The following BRF1 variants were observed in gnomAD, a reference collection of about 807,000 sequenced individuals.
BRF1 encodes BRF1 general transcription factor IIIB subunit.
BRF1 carries 59 observed loss-of-function variants against 81.7 expected under a neutral mutation model. The ratio of observed to expected loss-of-function variants is 0.72; its 90% confidence interval spans 0.59 to 0.90. BRF1 has a LOEUF of 0.90. BRF1 is among the 40% of genes least tolerant of loss of function. BRF1 has a pLI of 0.00. For missense variants in BRF1, 1,050 were observed against 936.3 expected, an observed-to-expected ratio of 1.12 and a Z score of -1.58; for synonymous variants, 491 against 395.6, an observed-to-expected ratio of 1.24 and a Z score of -2.86.
intron 16 of BRF1, 125 bp from the exon 17 acceptor site, chr14:105,211,418 G>A (rs1890095403): frequency 2.2e-6 from 2 of 911,344 alleles, no homozygotes; most frequent in South Asian, 1.8e-5. Flanking sequence ...TGGCTCCCGG[G>A]GTTGGCCAGG....
chr14:105,247,565 A>G (rs1258940555), intron 5 of BRF1: 1 of 985,198 alleles, frequency 1.0e-6, no homozygotes, highest in Admixed American at 6.2e-5. Flanking sequence ...CCCAGGGAAC[A>G]TTCACTACAA....
intron 11 of BRF1, 155 bp downstream of exon 11, chr14:105,221,493 T>TG (rs2141483620): frequency 3.7e-6 from 4 of 1,082,552 alleles, no homozygotes; most frequent in Admixed American, 3.1e-5. Flanking sequence ...ACAGCCCCAT[T>TG]GGGGGGACTG....
chr14:105,241,546 C>A, intron 5 of BRF1, 132 bp from the exon 6 acceptor site: 1 of 1,200,344 alleles, frequency 8.3e-7, no homozygotes, highest in Non-Finnish European at 1.2e-6. Context: ...CAGTTCCCCT[C>A]CCCTGGACAA....
At position 105,209,770 on chromosome 14, in the gene BRF1, C is replaced by G; in HGVS notation, c.*781G>C. ...CCCGCACTGCCTACAGAGCTATGCT[C>G]AGGACGGGTGGGCGCCGGTCTCAGC... On this transcript the variant is annotated 3_prime_UTR_variant, in exon 18 of 18. Coordinates refer to ENST00000547530, the MANE Select transcript of BRF1 (RefSeq NM_001519.4). 1 of 558,376 alleles carries G rather than the reference C, an allele frequency of 1.8e-6. No homozygotes were observed. The highest frequency in any genetic ancestry group is 2.2e-5 in the South Asian group (1 of 44,556). The allele number at this position is 558,376 out of a possible 1,614,324, so 34.6% of individuals were successfully genotyped here. A position where few individuals can be genotyped will look rare whatever the true frequency, so the allele number is the denominator to read the frequency against.
intron 6 of BRF1, among the ~76,000 whole-genome samples, 177 bp downstream of exon 6, chr14:105,241,088 G>C (rs1026904252): frequency 6.6e-6 from 1 of 152,228 alleles, no homozygotes; most frequent in Non-Finnish European, 1.5e-5. Context: ...GGGGCAGCCA[G>C]GAGGTCCTGG....
At chr14:105,254,295 C>G in intron 4 of BRF1, among the ~76,000 whole-genome samples, 1 of 152,176 alleles carries the variant, frequency 6.6e-6, no homozygotes. Flanking sequence ...CTTGCTCTGT[C>G]GCCCAGGCTG....
Position 105,295,371 on chromosome 14 carries a change from C to T in BRF1, c.184+5075G>A, listed in dbSNP as rs905031860. On this transcript the variant is annotated intron_variant, in intron 1 of 17. Coordinates refer to ENST00000547530, the MANE Select transcript of BRF1 (RefSeq NM_001519.4). ...CTGTCATCCTAGAACTTTGAGAGGCCAAGACGGGAGAATTACTTGAGCCCA... is the reference window on the plus strand; with the variant it reads ...CTGTCATCCTAGAACTTTGAGAGGCTAAGACGGGAGAATTACTTGAGCCCA... 2.6e-5 allele frequency among the ~76,000 whole-genome samples: 4 copies of T among 150,966 alleles called. 1 individual carries two copies. Among genetic ancestry groups the T allele is most frequent in the South Asian group, 4.2e-4 (2 of 4,802 alleles).
At chr14:105,304,444 C>T (rs1362745939), upstream of BRF1, among the ~76,000 whole-genome samples, 5 of 151,982 alleles carry the variant, frequency 3.3e-5, no homozygotes, top group South Asian at 4.1e-4. Flanking sequence ...GGCGAGATGG[C>T]GTCATTGCAC....
intron 1 of BRF1, among the ~76,000 whole-genome samples, chr14:105,294,735 CCAA>C (rs890923365): frequency 1.3e-5 from 2 of 152,130 alleles, no homozygotes; most frequent in Admixed American, 1.3e-4. Context: ...ACACAAAACA[CCAA>C]CATCTGAAAG....
intron 4 of BRF1, among the ~76,000 whole-genome samples, chr14:105,253,584 C>T (rs2055724125): frequency 6.6e-6 from 1 of 152,236 alleles, no homozygotes; most frequent in Admixed American, 6.5e-5. Context: ...AGGGACCGCA[C>T]ACAAAGGGTC....
At chr14:105,249,297 G>GC in intron 5 of BRF1, 1 of 1,576,798 alleles carries the variant, frequency 6.3e-7, no homozygotes, top group Non-Finnish European at 8.6e-7. Flanking sequence ...CGCCCCGTCC[G>GC]CCGTGTGGCT....
At chr14:105,314,716 C>T (rs1260676242) in intron 1 of BRF1, 2 of 141,990 alleles carry the variant, frequency 1.4e-5, no homozygotes, top group Non-Finnish European at 3.1e-5. Flanking sequence ...GGGGCGCGGG[C>T]GGGGCGCCGG....
At chr14:105,291,224 G>A (rs2057495545) in intron 1 of BRF1, among the ~76,000 whole-genome samples, 1 of 152,134 alleles carries the variant, frequency 6.6e-6, no homozygotes, top group Admixed American at 6.6e-5. Flanking sequence ...GCACCTCTGA[G>A]CTCCGACAAA....
chr14:105,241,713 A>G (rs2054665413), intron 5 of BRF1: 1 of 457,312 alleles, frequency 2.2e-6, no homozygotes, highest in Non-Finnish European at 4.1e-6. Flanking sequence ...GCGCACACCC[A>G]GCAGCCTTCC....
chr14:105,271,445 G>A lies in BRF1; in HGVS notation c.439+1276C>T, dbSNP rs1340415179. On this transcript the variant is annotated intron_variant, in intron 3 of 17. Transcript: ENST00000547530. This position sits in a 1 kb window ranked among gnomAD's most constrained non-coding sequence, Gnocchi z 5.5. The stretch of plus-strand genomic sequence containing the variant: ...CGGCAGGGGCGCAGGCTGGGAGGCA[G>A]ACATGTGGCCGGGCACGCCACGCCC... Among the ~76,000 whole-genome samples, 1 of 152,246 alleles carries A rather than the reference G, an allele frequency of 6.6e-6. No homozygotes were observed. The highest frequency in any genetic ancestry group is 1.5e-5 in the Non-Finnish European group (1 of 68,040).
intron 5 of BRF1, chr14:105,248,536 G>A: frequency 3.2e-6 from 3 of 951,884 alleles, no homozygotes; most frequent in Middle Eastern, 1.1e-3. Flanking sequence ...CCCTGACGCA[G>A]CGTGACGCAC....
At chr14:105,270,268 G>C (rs967693516) in intron 3 of BRF1, among the ~76,000 whole-genome samples, 11 of 151,850 alleles carry the variant, frequency 7.2e-5, no homozygotes, top group African/African-American at 2.7e-4. Flanking sequence ...CCGCCTCCCG[G>C]GTTCCCGCCA....
At position 105,241,343 on chromosome 14, in the gene BRF1, T is replaced by G. The variant is rs771423682; in HGVS notation, c.616A>C (p.Thr206Pro). Residue 206 changes from threonine to proline, a missense_variant, in exon 6 of 18, where the codon ACT becomes CCT. Coordinates refer to ENST00000547530, the MANE Select transcript of BRF1 (RefSeq NM_001519.4). ...FGEKNHEVSMTALRLLQRMKR... is the reference protein window; with the variant it reads ...FGEKNHEVSMPALRLLQRMKR... ...ATCCTCTGTAGGAGCCTCAGGGCAG[T>G]CATGGACACCTCGTGGTTCTTCTCC... 6.2e-7 allele frequency: 1 copy of G among 1,612,766 alleles called. No homozygotes were observed. The highest frequency in any genetic ancestry group is 8.5e-7 in the Non-Finnish European group (1 of 1,179,932).
rs746974212 is a variant in BRF1 at position 105,250,056 on chromosome 14, A to C, written c.544+2451T>G. 1 of 1,612,974 alleles carries C rather than the reference A, an allele frequency of 6.2e-7. No individual in the cohort carries two copies. Among genetic ancestry groups the C allele is most frequent in the South Asian group, 1.1e-5 (1 of 91,078 alleles). ...AGGCATGTTCTGGGGCGAGCCCTCT[A>C]TCTGGTCCGAATTCCAACCATGACC... is the stretch of plus-strand genomic sequence containing the variant. On this transcript the variant is annotated intron_variant, in intron 5 of 17. Transcript: ENST00000547530.
Sources: allele counts gnomAD v4.1 joint callset (sites outside exome capture counted in the v4.1 genomes callset), GRCh38; gene constraint gnomAD v4.1.1; non-coding constraint Gnocchi (gnomAD v3.1); transcripts MANE v1.5; gene names NCBI Gene and HGNC (gene_info 2026-07-23, HGNC 2026-07-21).